CNTNAP2: variants seen among roughly 807,000 people sequenced by gnomAD.
CNTNAP2 encodes contactin-associated protein-like 2.
Under a neutral mutation model 155.2 loss-of-function variants are expected in CNTNAP2, and 98 were observed. The ratio of observed to expected loss-of-function variants is 0.63; its 90% CI spans 0.54 to 0.75. The LOEUF (loss-of-function observed/expected upper bound fraction) is 0.75, where lower values mean the gene tolerates loss of function less well. Among genes scored for constraint, CNTNAP2 ranks in the 30% least tolerant of loss-of-function variants. The pLI, the probability that CNTNAP2 is intolerant of heterozygous loss-of-function variation, is 0.00. For missense variants in CNTNAP2, 1,727 were observed against 1,688.1 expected (o/e 1.02, Z -0.40); for synonymous variants, 651 against 631.2 (o/e 1.03, Z -0.47).
chr7:146,373,266 G>C (rs1795261396), intron 1 of CNTNAP2, among the ~76,000 whole-genome samples: 1 of 152,124 alleles, frequency 6.6e-6, no homozygotes, highest in African/African-American at 2.4e-5. Context: ...CAGTATCACA[G>C]AGTCTCTATT....
intron 10 of CNTNAP2, among the ~76,000 whole-genome samples, chr7:147,464,169 G>A (rs1282666509): frequency 2.0e-5 from 3 of 151,860 alleles, no homozygotes; most frequent in African/African-American, 4.8e-5. Context: ...CAATTCTGTG[G>A]CATTAAAAAG....
chr7:147,472,403 G>T (rs1798241056), intron 10 of CNTNAP2, among the ~76,000 whole-genome samples: 1 of 151,666 alleles, frequency 6.6e-6, no homozygotes, highest in Admixed American at 6.6e-5. Flanking sequence ...AGTAGAGATG[G>T]GGTTTCACAA....
At chr7:147,341,210 T>C (rs373793327) in intron 9 of CNTNAP2, among the ~76,000 whole-genome samples, 1 of 151,950 alleles carries the variant, frequency 6.6e-6, no homozygotes, top group South Asian at 2.1e-4. Flanking sequence ...ACACTGCATG[T>C]TCTCACTCAT....
intron 15 of CNTNAP2, among the ~76,000 whole-genome samples, chr7:147,998,732 G>A (rs1164636551): frequency 6.6e-6 from 1 of 152,148 alleles, no homozygotes; most frequent in Admixed American, 6.5e-5. Context: ...TAAGCATTCA[G>A]TAAATACTTG....
chr7:146,596,794 ATC>A (rs1798869315), intron 1 of CNTNAP2, among the ~76,000 whole-genome samples: 1 of 152,044 alleles, frequency 6.6e-6, no homozygotes, highest in Non-Finnish European at 1.5e-5. Context: ...AACTCTTTAT[ATC>A]TCTGTTTCCT....
chr7:146,391,232 G>T (rs1342695357), intron 1 of CNTNAP2, among the ~76,000 whole-genome samples: 1 of 151,452 alleles, frequency 6.6e-6, no homozygotes, highest in African/African-American at 2.4e-5. Context: ...CTGGGACGAA[G>T]TGGCTGAGAA....
chr7:147,368,423 T>C (rs1796281367), intron 9 of CNTNAP2, among the ~76,000 whole-genome samples: 1 of 152,160 alleles, frequency 6.6e-6, no homozygotes, highest in African/African-American at 2.4e-5. Context: ...AAACTTGCTT[T>C]AGCTCTTAAA....
At chr7:147,817,991 T>C (rs1798301844) in intron 13 of CNTNAP2, among the ~76,000 whole-genome samples, 1 of 151,862 alleles carries the variant, frequency 6.6e-6, no homozygotes, top group African/African-American at 2.4e-5. Flanking sequence ...AAATGATGAG[T>C]TTATGGGGAT....
At chr7:146,149,358 G>T (rs1208127614) in intron 1 of CNTNAP2, among the ~76,000 whole-genome samples, 2 of 152,016 alleles carry the variant, frequency 1.3e-5, no homozygotes, top group African/African-American at 2.4e-5. Context: ...GTTTCCAAGG[G>T]CTTTTTCTCA....
intron 2 of CNTNAP2, among the ~76,000 whole-genome samples, chr7:146,822,952 T>A (rs1330411590): frequency 9.6e-6 from 1 of 104,590 alleles, no homozygotes; most frequent in Non-Finnish European, 1.9e-5. Context: ...CTTCAGCATA[T>A]TTACATGGAA....
chr7:146,479,583 C>T (rs940903253), intron 1 of CNTNAP2, among the ~76,000 whole-genome samples: 1 of 151,798 alleles, frequency 6.6e-6, no homozygotes, highest in African/African-American at 2.4e-5. Context: ...TTCTCAGTGT[C>T]TAAACATACA....
chr7:146,830,993 C>T (rs569385431), intron 2 of CNTNAP2, among the ~76,000 whole-genome samples: 1 of 152,300 alleles, frequency 6.6e-6, no homozygotes, highest in Admixed American at 6.5e-5. Flanking sequence ...TACTAGTTTA[C>T]ATTTGCCAGA....
At position 146,651,508 on chromosome 7, in the gene CNTNAP2, A is replaced by G. The variant is rs144246326; in HGVS notation, c.98-122763A>G. 7.2e-3 allele frequency among the ~76,000 whole-genome samples: 1,094 copies of G among 152,302 alleles called. 11 individuals are homozygous for G. The highest frequency in any genetic ancestry group is 9.9e-3 in the Admixed American group (151 of 15,284). On this transcript the variant is annotated intron_variant, in intron 1 of 23. Transcript: ENST00000361727. ...TTATTGATAGTATAAACTGGTATGG[A>G]CATGTGGGGAAAAAACTTGCTCTTG...
chr7:147,619,849 G>A (rs556121404), intron 12 of CNTNAP2, among the ~76,000 whole-genome samples: 48 of 152,296 alleles, frequency 3.2e-4, no homozygotes, highest in Admixed American at 1.0e-3. Context: ...AGCAGCCAGG[G>A]AGTGGTTACA....
intron 13 of CNTNAP2, among the ~76,000 whole-genome samples, chr7:147,782,378 A>G (rs1435853897): frequency 1.3e-5 from 2 of 152,218 alleles, no homozygotes; most frequent in African/African-American, 2.4e-5. Flanking sequence ...GTCTTAGTCC[A>G]TTAGGGCTGC....
intron 15 of CNTNAP2, among the ~76,000 whole-genome samples, chr7:148,055,654 G>T (rs145763090): frequency 2.1e-3 from 327 of 152,274 alleles, no homozygotes; most frequent in African/African-American, 7.4e-3. Flanking sequence ...AGGATAAATG[G>T]TAGTCCTGTT....
chr7:146,235,685 A>G (rs1799460935), intron 1 of CNTNAP2, among the ~76,000 whole-genome samples: 1 of 152,066 alleles, frequency 6.6e-6, no homozygotes, highest in South Asian at 2.1e-4. Flanking sequence ...TCAGGTGCAC[A>G]GGCCGTGGCT....
intron 8 of CNTNAP2, among the ~76,000 whole-genome samples, chr7:147,277,577 G>A (rs1056368562): frequency 2.1e-4 from 32 of 151,784 alleles, no homozygotes; most frequent in Admixed American, 1.7e-3. Context: ...AGGTTGCTAA[G>A]TATAATATTG....
chr7:146,154,472 G>A (rs2116783758), intron 1 of CNTNAP2, among the ~76,000 whole-genome samples: 1 of 152,202 alleles, frequency 6.6e-6, no homozygotes, highest in Non-Finnish European at 1.5e-5. Flanking sequence ...CATGATACAG[G>A]CACAGCTAAG....
Sources: allele counts gnomAD v4.1 joint callset (sites outside exome capture counted in the v4.1 genomes callset), GRCh38; gene constraint gnomAD v4.1.1; transcripts MANE v1.5; gene names NCBI Gene and HGNC (gene_info 2026-07-23, HGNC 2026-07-21).